The following ZNF280C variants were observed in gnomAD, a reference collection of about 807,000 sequenced individuals.
ZNF280C encodes zinc finger protein 280C, also known as suppressor of hairy wing homolog 3.
In ZNF280C, 14 loss-of-function variants were observed where a neutral mutation model predicts 53.6. The observed-to-expected ratio is 0.26, with a 90% CI of 0.17 to 0.41. The LOEUF (loss-of-function observed/expected upper bound fraction) is 0.41. Among genes scored for constraint, ZNF280C ranks in the 10% least tolerant of loss-of-function variants. ZNF280C has a pLI of 1.00. For synonymous variants in ZNF280C, 203 were observed against 181.1 expected (o/e 1.12, Z -0.97); for missense variants, 416 against 547.1 (o/e 0.76, Z 2.39).
rs190392793 is a variant in ZNF280C at position 130,250,045 on chromosome X, G to A, written c.32-3040C>T. Among the ~76,000 whole-genome samples the A allele has an allele frequency of 4.5e-5, 5 of 111,769 alleles. No individual in the cohort carries two copies. The East Asian group carries it at 1.1e-3, about 25-fold the overall frequency. On this transcript the variant is annotated intron_variant, in intron 2 of 18. Transcript: ENST00000370978. Reference sequence around the variant, plus strand: ...GTATTAATAGCGGAATAGAACAAGCGGAGGAAAGAATCTCAGAACTTGAAG... The same window carrying A: ...GTATTAATAGCGGAATAGAACAAGCAGAGGAAAGAATCTCAGAACTTGAAG...
At chrX:130,214,521 T>C (rs1460646484) in intron 15 of ZNF280C, among the ~76,000 whole-genome samples, 1 of 111,081 alleles carries the variant, frequency 9.0e-6, no homozygotes, top group African/African-American at 3.3e-5. Context: ...ACTCAGGAAA[T>C]TACATATACA....
chrX:130,225,739 T>C (rs2032215088), intron 12 of ZNF280C, among the ~76,000 whole-genome samples: 1 of 111,230 alleles, frequency 9.0e-6, no homozygotes, highest in African/African-American at 3.3e-5. Context: ...GGAAATTCTA[T>C]TTTTATGACT....
At chrX:130,252,421 T>C (rs1027121093) in intron 2 of ZNF280C, among the ~76,000 whole-genome samples, 2 of 111,247 alleles carry the variant, frequency 1.8e-5, no homozygotes, top group Non-Finnish European at 3.8e-5. Context: ...CCCCTTCGTG[T>C]TAAAAATACT....
rs373539487 is a variant in ZNF280C, at chrX:130,215,832, G to A, written c.1797C>T (p.Arg599=). Residue 599 remains arginine (R), a synonymous_variant, in exon 14 of 19, where the codon CGC becomes CGT. Coordinates refer to ENST00000370978, the MANE Select transcript of ZNF280C (RefSeq NM_017666.5). Reference sequence around the variant, plus strand: ...CAAGGCTCATTTTATTTTTTCTGTTGCGCTGTCGCTTTTGCTTGTAAGAGG... The same window carrying A: ...CAAGGCTCATTTTATTTTTTCTGTTACGCTGTCGCTTTTGCTTGTAAGAGG... ...AKPSYKQKRQ[R]NRKNKMSLAL... 4.5e-5 allele frequency: 54 copies of A among 1,206,564 alleles called. No individual in the cohort carries two copies. The African/African-American group carries it at 7.9e-4, about 18-fold the overall frequency.
intron 11 of ZNF280C, among the ~76,000 whole-genome samples, 186 bp downstream of exon 11, chrX:130,227,496 C>T (rs914272619): frequency 5.4e-5 from 6 of 111,995 alleles, no homozygotes; most frequent in African/African-American, 1.9e-4. Flanking sequence ...GCAAAATCTA[C>T]TCCACCCCTT....
intron 12 of ZNF280C, among the ~76,000 whole-genome samples, chrX:130,224,291 C>G (rs2032198597): frequency 8.9e-6 from 1 of 111,775 alleles, no homozygotes. Context: ...CAGGTCCTCA[C>G]CAGACACTGA....
chrX:130,236,085 A>G (rs188011174), intron 8 of ZNF280C, 129 bp downstream of exon 8: 6 of 374,339 alleles, frequency 1.6e-5, no homozygotes, highest in Non-Finnish European at 2.8e-5. Flanking sequence ...CTTAAGTTAC[A>G]TGGAAATGCC....
chrX:130,259,827 T>C (rs1162741752), intron 2 of ZNF280C, among the ~76,000 whole-genome samples: 1 of 109,309 alleles, frequency 9.1e-6, no homozygotes, highest in Non-Finnish European at 1.9e-5. Context: ...CCATCTCTAC[T>C]AAAAATACAA....
At chrX:130,213,389 A>G (rs1215589696) in intron 15 of ZNF280C, among the ~76,000 whole-genome samples, 1 of 110,956 alleles carries the variant, frequency 9.0e-6, no homozygotes, top group African/African-American at 3.3e-5. Flanking sequence ...AAACAAAACG[A>G]AACAAAAACA....
intron 9 of ZNF280C, among the ~76,000 whole-genome samples, chrX:130,230,276 ATACAT>A (rs1317239041): frequency 9.0e-6 from 1 of 111,625 alleles, no homozygotes; most frequent in Non-Finnish European, 1.9e-5. Flanking sequence ...CTAAATTAAA[ATACAT>A]TTTGTCTTTT....
intron 2 of ZNF280C, among the ~76,000 whole-genome samples, chrX:130,249,822 G>C (rs2032488713): frequency 9.0e-6 from 1 of 111,544 alleles, no homozygotes. Flanking sequence ...TGGCTGAAAG[G>C]ACAGAAAAAA....
intron 1 of ZNF280C, among the ~76,000 whole-genome samples, chrX:130,268,294 GTC>G (rs1161509439): frequency 1.8e-5 from 2 of 111,354 alleles, no homozygotes; most frequent in East Asian, 5.6e-4. Context: ...GGGTCACAGG[GTC>G]TCTGATGCCT....
At chrX:130,249,502 G>C (rs989253301) in intron 2 of ZNF280C, among the ~76,000 whole-genome samples, 1 of 111,923 alleles carries the variant, frequency 8.9e-6, no homozygotes, top group Non-Finnish European at 1.9e-5. Flanking sequence ...AAAAAGCAGA[G>C]GTCCAATATC....
intron 15 of ZNF280C, among the ~76,000 whole-genome samples, chrX:130,214,698 A>G (rs908582245): frequency 1.3e-4 from 14 of 111,912 alleles, no homozygotes; most frequent in Non-Finnish European, 2.4e-4. Context: ...ATGATACCTA[A>G]TACAATGTAA....
chrX:130,205,437 T>TG, intron 16 of ZNF280C, 22 bp from the exon 17 acceptor site: 1 of 1,014,730 alleles, frequency 9.9e-7, no homozygotes, highest in Non-Finnish European at 1.4e-6. Flanking sequence ...AAGAAGACAG[T>TG]AAGAAATATT....
chrX:130,228,836 G>T, intron 10 of ZNF280C, 141 bp downstream of exon 10: 2 of 598,655 alleles, frequency 3.3e-6, no homozygotes, highest in Non-Finnish European at 5.0e-6. Context: ...GTTTATAAAA[G>T]TTATGATTTT....
At chrX:130,228,100 C>T (rs1050879748) in intron 10 of ZNF280C, among the ~76,000 whole-genome samples, 25 of 111,347 alleles carry the variant, frequency 2.2e-4, no homozygotes, top group Admixed American at 1.4e-3. Context: ...CAAATTTGTC[C>T]GCGTCTCAGA....
intron 11 of ZNF280C, among the ~76,000 whole-genome samples, chrX:130,227,307 C>T (rs2032230749): frequency 8.9e-6 from 1 of 112,061 alleles, no homozygotes; most frequent in Admixed American, 9.5e-5. Context: ...TTACTGGAAG[C>T]CACTTCAAAT....
intron 5 of ZNF280C, among the ~76,000 whole-genome samples, chrX:130,242,803 A>G (rs1483933008): frequency 8.9e-6 from 1 of 111,791 alleles, no homozygotes; most frequent in Admixed American, 9.5e-5. Context: ...CGGCCTCCCA[A>G]AGTGCTGGGA....
Sources: allele counts gnomAD v4.1 joint callset (sites outside exome capture counted in the v4.1 genomes callset), GRCh38; gene constraint gnomAD v4.1.1; transcripts MANE v1.5; gene names NCBI Gene and HGNC (gene_info 2026-07-23, HGNC 2026-07-21).